Variants in MTTP observed in about 807,000 individuals in gnomAD.
MTTP encodes microsomal triglyceride transfer protein large subunit.
In MTTP, 49 loss-of-function variants were observed where a neutral mutation model predicts 90.6. The ratio of observed to expected loss-of-function variants is 0.54; its 90% CI spans 0.43 to 0.69. The LOEUF (loss-of-function observed/expected upper bound fraction) is 0.69. Ranked by LOEUF, MTTP falls within the 30% of genes least tolerant of loss-of-function variation. The probability of loss-of-function intolerance (pLI) is 0.00; values close to 1 mark genes in which losing one functional copy is unlikely to be tolerated. For missense variants in MTTP, 945 were observed against 1,067.5 expected (o/e 0.89, Z 1.60); for synonymous variants, 347 against 384.2 (o/e 0.90, Z 1.13).
At chr4:99,602,558 C>T (rs1424186970) in intron 10 of MTTP, among the ~76,000 whole-genome samples, 1 of 151,886 alleles carries the variant, frequency 6.6e-6, no homozygotes, top group African/African-American at 2.4e-5. Flanking sequence ...TTCTTGAAAC[C>T]AAATGGTCCC....
intron 1 of MTTP, among the ~76,000 whole-genome samples, chr4:99,580,574 CAAAAAAAAAA>C (rs563138284): frequency 2.5e-5 from 1 of 39,880 alleles, no homozygotes; most frequent in African/African-American, 8.1e-5. Context: ...GACTCTGTCT[CAAAAAAAAAA>C]AAAAAAAAAA....
At chr4:99,567,354 T>A (rs551894311) in intron 1 of MTTP, among the ~76,000 whole-genome samples, 1 of 152,060 alleles carries the variant, frequency 6.6e-6, no homozygotes, top group South Asian at 2.1e-4. Context: ...CCCTAAAACC[T>A]CAAAATATGA....
At chr4:99,622,592 C>A (rs1726263379) in intron 17 of MTTP, 85 bp from the exon 18 acceptor site, 1 of 1,448,766 alleles carries the variant, frequency 6.9e-7, no homozygotes, top group Non-Finnish European at 9.7e-7. Flanking sequence ...ACAGAAACTT[C>A]AAGTACATTC....
At chr4:99,608,417 C>T (rs1158651136) in intron 11 of MTTP, among the ~76,000 whole-genome samples, 1 of 152,170 alleles carries the variant, frequency 6.6e-6, no homozygotes, top group East Asian at 1.9e-4. Context: ...TGCACTCCAG[C>T]CTGGGCAACA....
chr4:99,567,495 G>A (rs1183264685), intron 1 of MTTP, among the ~76,000 whole-genome samples: 1 of 152,176 alleles, frequency 6.6e-6, no homozygotes, highest in Non-Finnish European at 1.5e-5. Context: ...CTAAAAAACA[G>A]AGGAAACCAA....
intron 11 of MTTP, among the ~76,000 whole-genome samples, chr4:99,608,399 C>T (rs1389912487): frequency 1.3e-5 from 2 of 152,112 alleles, no homozygotes; most frequent in African/African-American, 2.4e-5. Flanking sequence ...GAGCCGAGAT[C>T]GTGCCACTGC....
At position 99,581,927 on chromosome 4, in the gene MTTP, A is replaced by C; in HGVS notation, c.84A>C (p.Leu28Phe). 1 of 1,614,188 alleles carries C rather than the reference A, an allele frequency of 6.2e-7. No homozygotes were observed. The highest frequency in any genetic ancestry group is 8.5e-7 in the Non-Finnish European group (1 of 1,179,992). ...CAGGTCACACAACTGGTCTCTCATT[A>C]AATAATGACCGGCTGTACAAGCTCA... Reference protein sequence around the residue: ...SVKGHTTGLSLNNDRLYKLTY... With the variant: ...SVKGHTTGLSFNNDRLYKLTY... The change falls in exon 2 of 18, where the codon TTA becomes TTC. Residue 28 changes from leucine (L) to phenylalanine (F), a missense_variant. Physicochemically the swap from Leu to Phe is conservative, Grantham distance 22. Transcript: ENST00000265517.
chr4:99,589,822 G>A, intron 4 of MTTP, 72 bp downstream of exon 4: 1 of 1,055,934 alleles, frequency 9.5e-7, no homozygotes, highest in Non-Finnish European at 1.5e-6. Flanking sequence ...TACAATTTCA[G>A]TAGAAGAGTT....
chr4:99,577,435 A>G (rs1044463118), intron 1 of MTTP, among the ~76,000 whole-genome samples: 6 of 151,778 alleles, frequency 4.0e-5, no homozygotes, highest in Non-Finnish European at 5.9e-5. Context: ...GAGAAACCCC[A>G]TCTCTGCTAA....
chr4:99,612,231 A>C (rs2110232556), intron 14 of MTTP, among the ~76,000 whole-genome samples: 1 of 152,246 alleles, frequency 6.6e-6, no homozygotes, highest in African/African-American at 2.4e-5. Context: ...GAGGAATCAC[A>C]ATCTGTTTTC....
intron 6 of MTTP, among the ~76,000 whole-genome samples, chr4:99,593,105 A>G (rs188197837): frequency 3.9e-5 from 6 of 152,308 alleles, no homozygotes; most frequent in African/African-American, 1.4e-4. Context: ...TGTGCAGCAC[A>G]TGACTGTATT....
At chr4:99,575,530 C>T (rs1724934724) in intron 1 of MTTP, among the ~76,000 whole-genome samples, 1 of 152,062 alleles carries the variant, frequency 6.6e-6, no homozygotes, top group Non-Finnish European at 1.5e-5. Context: ...AATTAAATTT[C>T]CTGATACAGA....
At position 99,594,776 on chromosome 4, in the gene MTTP, A is replaced by G; in HGVS notation, c.802A>G (p.Met268Val). The G allele has an allele frequency of 6.2e-7, 1 of 1,614,074 alleles. No homozygotes were observed. The highest frequency in any genetic ancestry group is 8.5e-7 in the Non-Finnish European group (1 of 1,179,930). Reference sequence around the variant, plus strand: ...GACAACCGAAGCAGGCCCAAGATTGATGTCTGGAAAGCAGGCTGCAGCCAT... The same window carrying G: ...GACAACCGAAGCAGGCCCAAGATTGGTGTCTGGAAAGCAGGCTGCAGCCAT... Reference protein sequence around the residue: ...LKTTEAGPRLMSGKQAAAIIK... With the variant: ...LKTTEAGPRLVSGKQAAAIIK... Residue 268 changes from methionine to valine, a missense_variant, in exon 7 of 18, where the codon ATG becomes GTG. Coordinates refer to ENST00000265517, the MANE Select transcript of MTTP (RefSeq NM_001386140.1).
intron 15 of MTTP, 132 bp downstream of exon 15, chr4:99,613,272 C>A: frequency 2.6e-6 from 2 of 773,416 alleles, no homozygotes; most frequent in Non-Finnish European, 4.4e-6. Flanking sequence ...AGCACTTGGC[C>A]CTCTTGGTAT....
upstream of MTTP, among the ~76,000 whole-genome samples, chr4:99,570,055 C>T (rs1453490943): frequency 6.6e-6 from 1 of 151,730 alleles, no homozygotes; most frequent in Non-Finnish European, 1.5e-5. Flanking sequence ...CCTAACTCCA[C>T]AAGACACTGT....
intron 1 of MTTP, among the ~76,000 whole-genome samples, chr4:99,566,017 T>C (rs575018991): frequency 3.3e-5 from 5 of 152,150 alleles, no homozygotes; most frequent in East Asian, 3.9e-4. Context: ...AGGCCGGGCG[T>C]GGTGGCTCAC....
At chr4:99,586,008 TAGAG>T (rs1725250067) in intron 3 of MTTP, among the ~76,000 whole-genome samples, 1 of 152,098 alleles carries the variant, frequency 6.6e-6, no homozygotes, top group Non-Finnish European at 1.5e-5. Context: ...GCTATTTTCT[TAGAG>T]AGCATTTTCT....
chr4:99,578,578 A>T (rs967117075), intron 1 of MTTP, among the ~76,000 whole-genome samples: 1 of 152,234 alleles, frequency 6.6e-6, no homozygotes, highest in Non-Finnish European at 1.5e-5. Context: ...CTGTGCTTTA[A>T]CATTTCCTAC....
chr4:99,605,161 G>T (rs919257156), intron 10 of MTTP, among the ~76,000 whole-genome samples: 3 of 151,990 alleles, frequency 2.0e-5, no homozygotes, highest in Non-Finnish European at 4.4e-5. Context: ...TGTTTTAAAA[G>T]TATTAACAGA....
Sources: allele counts gnomAD v4.1 joint callset (sites outside exome capture counted in the v4.1 genomes callset), GRCh38; gene constraint gnomAD v4.1.1; transcripts MANE v1.5; gene names NCBI Gene and HGNC (gene_info 2026-07-23, HGNC 2026-07-21).